PIP5K1C: variants seen among roughly 807,000 people sequenced by gnomAD.
PIP5K1C encodes the protein phosphatidylinositol 4-phosphate 5-kinase type-1 gamma.
PIP5K1C carries 45 observed loss-of-function variants against 80.1 expected under a neutral mutation model. The observed-to-expected ratio is 0.56, with a 90% CI of 0.44 to 0.72. The LOEUF (loss-of-function observed/expected upper bound fraction) is 0.72, where lower values mean the gene tolerates loss of function less well. PIP5K1C is among the 30% of genes least tolerant of loss of function. PIP5K1C has a pLI of 0.00. For synonymous variants in PIP5K1C, 498 were observed against 420.1 expected, an observed-to-expected ratio of 1.19 and a Z score of -2.27; for missense variants, 753 against 954.6, an observed-to-expected ratio of 0.79 and a Z score of 2.78.
chr19:3,668,665 C>A (rs1229111383), intron 1 of PIP5K1C, among the ~76,000 whole-genome samples: 1 of 152,174 alleles, frequency 6.6e-6, no homozygotes, highest in Non-Finnish European at 1.5e-5. Flanking sequence ...CTGGCGTCCA[C>A]CATGCAGGCC....
intron 1 of PIP5K1C, 90 bp from the exon 2 acceptor site, chr19:3,667,443 A>G: frequency 3.4e-6 from 5 of 1,462,698 alleles, no homozygotes; most frequent in Non-Finnish European, 4.8e-6. Flanking sequence ...CTGGCGCCCC[A>G]GGCCTGGCGT....
chr19:3,633,501 C>A lies in PIP5K1C; in HGVS notation c.1940G>T (p.Trp647Leu). 6.7e-7 allele frequency: 1 copy of A among 1,499,548 alleles called. No homozygotes were observed. The highest frequency in any genetic ancestry group is 2.4e-5 in the East Asian group (1 of 42,522). 92.9% of individuals were successfully genotyped at this position (1,499,548 alleles called of 1,614,324 possible). A position where few individuals can be genotyped will look rare whatever the true frequency, so the allele number is the denominator to read the frequency against. ...GCTATAGTGGAGCGGGGAGTACACC[C>A]AGCTCCTCTCATCGGTGGGCTGGCA... ...DIYFPTDERS[W>L]VYSPLHYSAQ... is the part of the protein sequence containing the mutation. The change falls in exon 17 of 18, where the codon TGG (tryptophan) becomes TTG (leucine). Residue 647 changes from tryptophan to leucine, a missense_variant. Physicochemically the swap from Trp to Leu is moderately conservative, Grantham distance 61 (BLOSUM62 -2). This residue lies in a region of PIP5K1C where 315 missense variants were observed against 294.5 expected (regional missense o/e 1.07). Coordinates refer to ENST00000335312, the MANE Select transcript of PIP5K1C (RefSeq NM_012398.3).
intron 16 of PIP5K1C, among the ~76,000 whole-genome samples, chr19:3,634,022 G>A (rs930028683): frequency 2.6e-5 from 4 of 152,066 alleles, no homozygotes; most frequent in Admixed American, 6.5e-5. Flanking sequence ...GGCTGCCTGC[G>A]GGCAGGGCCA....
intron 1 of PIP5K1C, among the ~76,000 whole-genome samples, chr19:3,694,741 C>T (rs2145621669): frequency 6.6e-6 from 1 of 152,378 alleles, no homozygotes; most frequent in South Asian, 2.1e-4. Flanking sequence ...CCGCTGCCTA[C>T]ATCGCCTGAG....
intron 1 of PIP5K1C, among the ~76,000 whole-genome samples, chr19:3,699,376 C>G (rs997515792): frequency 1.3e-5 from 2 of 151,826 alleles, no homozygotes; most frequent in Admixed American, 1.3e-4. Flanking sequence ...CTCTCTCTCT[C>G]CAGACATCTC....
At chr19:3,665,022 G>T in intron 2 of PIP5K1C, 108 bp from the exon 3 acceptor site, 1 of 892,398 alleles carries the variant, frequency 1.1e-6, no homozygotes, top group Non-Finnish European at 1.8e-6. Flanking sequence ...GCCCAGCAGG[G>T]GTGCACAGGG....
chr19:3,660,310 G>A (rs1308980059), intron 5 of PIP5K1C, among the ~76,000 whole-genome samples: 1 of 151,258 alleles, frequency 6.6e-6, no homozygotes, highest in African/African-American at 2.4e-5. Context: ...AACCCAGGAG[G>A]CGGAGCTTAC....
chr19:3,640,535 G>A (rs893288168), intron 15 of PIP5K1C, among the ~76,000 whole-genome samples: 1 of 152,026 alleles, frequency 6.6e-6, no homozygotes, highest in African/African-American at 2.4e-5. Context: ...AATAATAACA[G>A]CAGCTGACAC....
Position 3,648,679 on chromosome 19 carries a change from C to G in PIP5K1C, c.1157G>C (p.Arg386Pro). ...AATGTGCAGCAGCAGCCGCTCCCCG[C>G]GGCCGTTCACAGCGGGGATCCCGCC... ...TMGGIPAVNG[R>P]GERLLLHIGI... The change falls in exon 9 of 18, where the codon CGC (arginine) becomes CCC (proline). Residue 386 changes from arginine (R) to proline (P), a missense_variant. Arg to Pro is a moderately radical substitution (Grantham distance 103, BLOSUM62 -2). Coordinates refer to ENST00000335312, the MANE Select transcript of PIP5K1C (RefSeq NM_012398.3). The surrounding 1 kb of genome is among the most constrained non-coding windows in gnomAD (Gnocchi z 4.3). The G allele has an allele frequency of 6.2e-7, 1 of 1,613,042 alleles. No homozygotes were observed. Among genetic ancestry groups the G allele is most frequent in the Non-Finnish European group, 8.5e-7 (1 of 1,179,904 alleles).
chr19:3,695,171 C>T (rs2036064190), intron 1 of PIP5K1C, among the ~76,000 whole-genome samples: 1 of 152,230 alleles, frequency 6.6e-6, no homozygotes, highest in Non-Finnish European at 1.5e-5. Flanking sequence ...CCCGTTAGCA[C>T]CAGAAGACTG....
chr19:3,647,943 T>C (rs2034298297), intron 9 of PIP5K1C, among the ~76,000 whole-genome samples: 1 of 152,158 alleles, frequency 6.6e-6, no homozygotes, highest in Non-Finnish European at 1.5e-5. Flanking sequence ...CGAGACTTTG[T>C]CTTAAAACAA....
chr19:3,662,706 T>A (rs1325535788), intron 3 of PIP5K1C, among the ~76,000 whole-genome samples: 1 of 151,982 alleles, frequency 6.6e-6, no homozygotes, highest in African/African-American at 2.4e-5. Flanking sequence ...GCTGGGATTA[T>A]AGGTGCGCGC....
chr19:3,647,947 A>C (rs1164079750), intron 9 of PIP5K1C, among the ~76,000 whole-genome samples: 2 of 152,232 alleles, frequency 1.3e-5, no homozygotes, highest in African/African-American at 4.8e-5. Flanking sequence ...ACTTTGTCTT[A>C]AAACAAACAA....
chr19:3,651,437 G>A (rs2034445181), intron 8 of PIP5K1C, among the ~76,000 whole-genome samples: 4 of 152,158 alleles, frequency 2.6e-5, no homozygotes, highest in South Asian at 4.1e-4. Context: ...GCCCTGCCTC[G>A]CCCGATCCCT....
At chr19:3,667,860 G>T (rs1437440798) in intron 1 of PIP5K1C, among the ~76,000 whole-genome samples, 1 of 152,194 alleles carries the variant, frequency 6.6e-6, no homozygotes, top group Non-Finnish European at 1.5e-5. Context: ...TGCCAGCGTG[G>T]GGAGTGAGGG....
intron 3 of PIP5K1C, 135 bp from the exon 4 acceptor site, chr19:3,662,136 C>T (rs2034854572): frequency 9.0e-7 from 1 of 1,109,696 alleles, no homozygotes; most frequent in South Asian, 1.5e-5. Flanking sequence ...TCCTGGTGGT[C>T]CCCGGGGCTG....
chr19:3,658,583 C>A (rs2034719518), intron 5 of PIP5K1C, among the ~76,000 whole-genome samples: 1 of 152,234 alleles, frequency 6.6e-6, no homozygotes, highest in East Asian at 1.9e-4. Context: ...CCCTGGGAGG[C>A]CAGGGGACCC....
chr19:3,690,915 C>T (rs1418112111), intron 1 of PIP5K1C, among the ~76,000 whole-genome samples: 1 of 152,154 alleles, frequency 6.6e-6, no homozygotes, highest in African/African-American at 2.4e-5. Flanking sequence ...GGCCACGGAG[C>T]TTGCAGGAGC....
chr19:3,633,371 T>C (rs1273879409), intron 17 of PIP5K1C, 66 bp downstream of exon 17: 41 of 1,277,814 alleles, frequency 3.2e-5, no homozygotes, highest in Non-Finnish European at 3.9e-5. Flanking sequence ...TCCCAGTAGC[T>C]GGGGACCACG....
Sources: gnomAD v4.1 joint callset for allele counts (sites outside exome capture counted in the v4.1 genomes callset) on GRCh38, gnomAD v4.1.1 for gene constraint, gnomAD v4.1.1 regional missense constraint, Gnocchi (gnomAD v3.1) non-coding constraint, MANE v1.5 for transcripts, NCBI Gene and HGNC (gene_info 2026-07-23, HGNC 2026-07-21) for gene names.